Variants in KCTD16 observed in about 807,000 individuals in gnomAD.
The protein encoded by KCTD16 is BTB/POZ domain-containing protein KCTD16.
Under a neutral mutation model 33.2 loss-of-function variants are expected in KCTD16, and 13 were observed. The observed-to-expected ratio is 0.39, with a 90% CI of 0.25 to 0.62. The LOEUF is 0.62. Ranked by LOEUF, KCTD16 falls within the 20% of genes least tolerant of loss-of-function variation. KCTD16 has a pLI of 0.50. For synonymous variants in KCTD16, 197 were observed against 195.3 expected (o/e 1.01, Z -0.07); for missense variants, 441 against 525.1 (o/e 0.84, Z 1.57).
At chr5:144,254,079 G>A (rs935402845) in intron 3 of KCTD16, among the ~76,000 whole-genome samples, 2 of 151,930 alleles carry the variant, frequency 1.3e-5, no homozygotes, top group Non-Finnish European at 2.9e-5. Context: ...TCTAAGGCCT[G>A]GATAGGTCTT....
chr5:144,382,552 T>A (rs2126932365), intron 3 of KCTD16, among the ~76,000 whole-genome samples: 1 of 152,256 alleles, frequency 6.6e-6, no homozygotes, highest in African/African-American at 2.4e-5. Context: ...ATTGAATGAA[T>A]GAATATGGAA....
intron 2 of KCTD16, among the ~76,000 whole-genome samples, chr5:144,191,778 G>A (rs531073663): frequency 1.3e-5 from 2 of 151,568 alleles, no homozygotes; most frequent in South Asian, 2.1e-4. Flanking sequence ...CAGGCTAACA[G>A]TGAGTGTTTG....
intron 3 of KCTD16, among the ~76,000 whole-genome samples, chr5:144,277,449 T>C (rs2126851861): frequency 6.6e-6 from 1 of 152,328 alleles, no homozygotes; most frequent in South Asian, 2.1e-4. Flanking sequence ...CATGATATAA[T>C]TTCAATTATT....
intron 3 of KCTD16, among the ~76,000 whole-genome samples, chr5:144,279,000 G>T (rs1755528799): frequency 6.6e-6 from 1 of 152,070 alleles, no homozygotes; most frequent in African/African-American, 2.4e-5. Context: ...TCAGTGTTTT[G>T]TAGTTTTCAG....
rs1355242237 is a variant in KCTD16 at position 144,484,686 on chromosome 5, A to G, written c.*10572A>G. 1 of 151,934 alleles carries G rather than the reference A, an allele frequency of 6.6e-6. No individual in the cohort carries two copies. The highest frequency in any genetic ancestry group is 1.5e-5 in the Non-Finnish European group (1 of 67,926). The allele number at this position is 151,934 out of a possible 1,614,324, so 9.4% of individuals were successfully genotyped here. ...GAGGATTCTGAATTTTGCTGGTACT[A>G]ATGCTGAGTGGTGACTTATTGGGGC... On this transcript the variant is annotated 3_prime_UTR_variant, in exon 4 of 4. Coordinates refer to ENST00000512467, the MANE Select transcript of KCTD16 (RefSeq NM_020768.4).
At position 144,359,593 on chromosome 5, in the gene KCTD16, G is replaced by C. The variant is rs139355069; in HGVS notation, c.833-114067G>C. Among the ~76,000 whole-genome samples, 330 of 151,246 alleles carry C rather than the reference G, an allele frequency of 2.2e-3. 2 individuals carry two copies. The highest frequency in any genetic ancestry group is 7.3e-3 in the African/African-American group (302 of 41,146). On this transcript the variant is annotated intron_variant, in intron 3 of 3. Transcript: ENST00000512467. Reference sequence around the variant, plus strand: ...CTCTAGAACAATGATTTCAAGTGGGGGCAATATGACCCCTCCAACACTTGG... The same window carrying C: ...CTCTAGAACAATGATTTCAAGTGGGCGCAATATGACCCCTCCAACACTTGG...
chr5:144,285,525 A>G (rs1368200253), intron 3 of KCTD16, among the ~76,000 whole-genome samples: 2 of 152,140 alleles, frequency 1.3e-5, no homozygotes, highest in Non-Finnish European at 2.9e-5. Context: ...TGTGATTTGT[A>G]TGCTCCAGAT....
chr5:144,259,719 T>C (rs537559034), intron 3 of KCTD16, among the ~76,000 whole-genome samples: 1 of 152,342 alleles, frequency 6.6e-6, no homozygotes, highest in East Asian at 1.9e-4. Flanking sequence ...ATGGTGATGA[T>C]ACCCTGAATT....
intron 3 of KCTD16, among the ~76,000 whole-genome samples, chr5:144,360,823 C>T (rs971730650): frequency 6.6e-6 from 1 of 152,010 alleles, no homozygotes; most frequent in Non-Finnish European, 1.5e-5. Flanking sequence ...TGGGTTGGTT[C>T]CAACTCTTTG....
At chr5:144,379,523 T>TA (rs748566804) in intron 3 of KCTD16, among the ~76,000 whole-genome samples, 1 of 152,120 alleles carries the variant, frequency 6.6e-6, no homozygotes, top group Admixed American at 6.6e-5. Flanking sequence ...TATAATAGAT[T>TA]AAAGACAAGG....
intron 3 of KCTD16, among the ~76,000 whole-genome samples, chr5:144,363,228 G>GT (rs1353919273): frequency 6.6e-6 from 1 of 152,068 alleles, no homozygotes; most frequent in East Asian, 1.9e-4. Context: ...TGTAATCCCA[G>GT]TTACTCTGGA....
chr5:144,280,613 T>C (rs1252574675), intron 3 of KCTD16, among the ~76,000 whole-genome samples: 1 of 152,202 alleles, frequency 6.6e-6, no homozygotes, highest in Admixed American at 6.5e-5. Flanking sequence ...AATCTACTTT[T>C]AGTTTGGTTG....
intron 3 of KCTD16, among the ~76,000 whole-genome samples, chr5:144,345,610 G>A (rs1451976652): frequency 6.6e-6 from 1 of 152,154 alleles, no homozygotes; most frequent in African/African-American, 2.4e-5. Context: ...CTCTCTTAGA[G>A]AATGGGAATA....
At position 144,347,549 on chromosome 5, in the gene KCTD16, C is replaced by T. The variant is rs536633623; in HGVS notation, c.833-126111C>T. 3.9e-5 allele frequency among the ~76,000 whole-genome samples: 6 copies of T among 152,202 alleles called. No homozygotes were observed. The East Asian group carries it at 7.8e-4, about 20-fold the overall frequency. The stretch of plus-strand genomic sequence containing the variant: ...GGCGGAAGTTGCAGTGAGCCGAGAT[C>T]GCACCATCGCACTCTAGCCTGGGGG... On this transcript the variant is annotated intron_variant, in intron 3 of 3. Coordinates refer to ENST00000512467, the MANE Select transcript of KCTD16 (RefSeq NM_020768.4).
chr5:144,186,973 C>T (rs1752739813), intron 2 of KCTD16, among the ~76,000 whole-genome samples: 1 of 152,118 alleles, frequency 6.6e-6, no homozygotes, highest in Admixed American at 6.6e-5. Context: ...GATCCCTTCC[C>T]TCTCAGCGCT....
intron 3 of KCTD16, among the ~76,000 whole-genome samples, chr5:144,363,423 G>C (rs571091299): frequency 6.6e-6 from 1 of 152,120 alleles, no homozygotes; most frequent in East Asian, 1.9e-4. Flanking sequence ...GGGAGGCAAG[G>C]ACCAATATTG....
intron 3 of KCTD16, among the ~76,000 whole-genome samples, chr5:144,322,275 A>T (rs1011082696): frequency 2.6e-5 from 4 of 152,294 alleles, no homozygotes; most frequent in African/African-American, 7.2e-5. Flanking sequence ...TCTATGAGGG[A>T]ACCATCTTCA....
At chr5:144,248,159 C>G (rs1484879136) in intron 3 of KCTD16, among the ~76,000 whole-genome samples, 1 of 152,002 alleles carries the variant, frequency 6.6e-6, no homozygotes, top group East Asian at 1.9e-4. Flanking sequence ...GAAGTAAGCC[C>G]CTTGGAGGCA....
chr5:144,277,079 T>C (rs1016496272), intron 3 of KCTD16, among the ~76,000 whole-genome samples: 2 of 152,186 alleles, frequency 1.3e-5, no homozygotes, highest in African/African-American at 2.4e-5. Context: ...TTGCTGCATA[T>C]CCATAGATTT....
Sources: gnomAD v4.1 joint callset for allele counts (sites outside exome capture counted in the v4.1 genomes callset) on GRCh38, gnomAD v4.1.1 for gene constraint, MANE v1.5 for transcripts, NCBI Gene and HGNC (gene_info 2026-07-23, HGNC 2026-07-21) for gene names.